ADGRB1: variants seen among roughly 807,000 people sequenced by gnomAD.
The protein encoded by ADGRB1 is adhesion G protein-coupled receptor B1, also known as brain-specific angiogenesis inhibitor 1.
In ADGRB1, 36 loss-of-function variants were observed where a neutral mutation model predicts 175.7. That is an observed-to-expected ratio of 0.20 (90% CI 0.16 to 0.27). The LOEUF (loss-of-function observed/expected upper bound fraction) is 0.27, where lower values mean the gene tolerates loss of function less well. Ranked by LOEUF, ADGRB1 falls within the 10% of genes least tolerant of loss-of-function variation. ADGRB1 has a pLI of 1.00. For synonymous variants in ADGRB1, 1,054 were observed against 979.4 expected, an observed-to-expected ratio of 1.08 and a Z score of -1.42; for missense variants, 1,731 against 2,255.3, an observed-to-expected ratio of 0.77 and a Z score of 4.71.
intron 5 of ADGRB1, 43 bp downstream of exon 5, chr8:142,477,321 C>CA (rs1563692554): frequency 2.5e-6 from 4 of 1,582,334 alleles, no homozygotes; most frequent in South Asian, 2.2e-5. Flanking sequence ...GCCAGGGCAG[C>CA]GGGGGGCCAG....
intron 23 of ADGRB1, among the ~76,000 whole-genome samples, chr8:142,524,604 T>C (rs1844065651): frequency 6.6e-6 from 1 of 152,026 alleles, no homozygotes; most frequent in Non-Finnish European, 1.5e-5. Flanking sequence ...GGTGAGTGAG[T>C]GGCATGGGAG....
chr8:142,459,959 C>T (rs1437390642), intron 1 of ADGRB1, among the ~76,000 whole-genome samples: 1 of 152,244 alleles, frequency 6.6e-6, no homozygotes, highest in Non-Finnish European at 1.5e-5. Context: ...GGATGCCACC[C>T]TGGGTGCCAG....
intron 17 of ADGRB1, among the ~76,000 whole-genome samples, chr8:142,507,628 G>A (rs896995698): frequency 6.6e-6 from 1 of 152,216 alleles, no homozygotes; most frequent in African/African-American, 2.4e-5. Flanking sequence ...GACAGCTGTC[G>A]GCCTGGCGCC....
chr8:142,531,597 G>T (rs879362453), intron 24 of ADGRB1, among the ~76,000 whole-genome samples: 3 of 152,206 alleles, frequency 2.0e-5, no homozygotes, highest in Non-Finnish European at 4.4e-5. Context: ...GAGCAGGAGG[G>T]GCGGGTGCGT....
In ADGRB1 at chr8:142,464,209, A is replaced by C; in HGVS notation, c.11A>C (p.Gln4Pro). 7.8e-7 allele frequency: 1 copy of C among 1,286,802 alleles called. No individual in the cohort carries two copies. Among genetic ancestry groups the C allele is most frequent in the Non-Finnish European group, 9.8e-7 (1 of 1,023,264 alleles). 79.7% of individuals were successfully genotyped at this position (1,286,802 alleles called of 1,614,324 possible). A position where few individuals can be genotyped will look rare whatever the true frequency, so the allele number is the denominator to read the frequency against. Reference protein sequence around the residue: MRGQAAAPGPVWIL... With the variant: MRGPAAAPGPVWIL... ...GCCCCGCGAGCTAGGATGAGGGGCC[A>C]GGCCGCCGCCCCGGGCCCCGTCTGG... Residue 4 changes from glutamine to proline, a missense_variant, in exon 2 of 31, where the codon CAG becomes CCG. Gln to Pro is a moderately conservative substitution (Grantham distance 76). Transcript: ENST00000517894.
chr8:142,511,930 G>A lies in ADGRB1; in HGVS notation c.2817+857G>A, dbSNP rs997495368. Among the ~76,000 whole-genome samples, 2 of 152,192 alleles carry A rather than the reference G, an allele frequency of 1.3e-5. No homozygotes were observed. Among genetic ancestry groups the A allele is most frequent in the Non-Finnish European group, 2.9e-5 (2 of 68,026 alleles). On this transcript the variant is annotated intron_variant, in intron 18 of 30. Coordinates refer to ENST00000517894, the MANE Select transcript of ADGRB1 (RefSeq NM_001702.3). The surrounding 1 kb of genome is among the most constrained non-coding windows in gnomAD (Gnocchi z 4.5). ...GCAGGGGTGGAGGATGCACTTGGAG[G>A]GGACCTGTCCTTCCTGGGTGTTGGA...
chr8:142,480,902 C>T (rs1841297748), intron 9 of ADGRB1, among the ~76,000 whole-genome samples: 1 of 152,112 alleles, frequency 6.6e-6, no homozygotes, highest in South Asian at 2.1e-4. Context: ...GGCAGGGGCC[C>T]AGGGTGCTGG....
intron 2 of ADGRB1, 143 bp downstream of exon 2, chr8:142,465,125 G>A: frequency 2.0e-6 from 2 of 987,324 alleles, no homozygotes; most frequent in South Asian, 3.4e-5. Flanking sequence ...AGGGGAGGTG[G>A]ACCGGGGTCT....
At chr8:142,509,089 G>A (rs576235644) in intron 17 of ADGRB1, among the ~76,000 whole-genome samples, 6 of 152,258 alleles carry the variant, frequency 3.9e-5, no homozygotes, top group South Asian at 4.1e-4. Flanking sequence ...GGTCTCCCCC[G>A]CCAGCCAGCG....
intron 3 of ADGRB1, among the ~76,000 whole-genome samples, chr8:142,475,891 A>G (rs1223940367): frequency 1.3e-4 from 1 of 7,802 alleles, no homozygotes; most frequent in African/African-American, 5.4e-4. Flanking sequence ...AGCAGGACCT[A>G]AACTCGGGGC....
intron 18 of ADGRB1, among the ~76,000 whole-genome samples, chr8:142,517,705 G>A (rs757440348): frequency 1.3e-5 from 2 of 152,074 alleles, no homozygotes; most frequent in Admixed American, 6.5e-5. Flanking sequence ...GGGGTGGGCC[G>A]GAGTCAAAGC....
chr8:142,473,564 C>T (rs1342653798), intron 2 of ADGRB1, among the ~76,000 whole-genome samples: 3 of 152,236 alleles, frequency 2.0e-5, no homozygotes. Context: ...CACCCTGTCC[C>T]GCCCTTGTGC....
At position 142,474,898 on chromosome 8, in the gene ADGRB1, G is replaced by A. The variant is rs1169583518; in HGVS notation, c.785-576G>A. Among the ~76,000 whole-genome samples the A allele has an allele frequency of 2.6e-5, 4 of 152,150 alleles. No individual in the cohort carries two copies. Among genetic ancestry groups the A allele is most frequent in the African/African-American group, 9.7e-5 (4 of 41,424 alleles). On this transcript the variant is annotated intron_variant, in intron 2 of 30. Transcript: ENST00000517894. This position sits in a 1 kb window ranked among gnomAD's most constrained non-coding sequence, Gnocchi z 5.8. ...CGTCAGGCTGTGCCCTGGGTTCGAG[G>A]CCCTGGTTGGACACCAGGTGTGAGG...
chr8:142,490,836 T>C, intron 17 of ADGRB1, 21 bp downstream of exon 17: 2 of 1,570,378 alleles, frequency 1.3e-6, no homozygotes, highest in Non-Finnish European at 1.7e-6. Context: ...TTGGATTTCA[T>C]GGCCGTGGGG....
chr8:142,479,513 G>C, intron 8 of ADGRB1, 26 bp downstream of exon 8: 3 of 1,525,666 alleles, frequency 2.0e-6, no homozygotes, highest in Non-Finnish European at 2.6e-6. Flanking sequence ...CCTGGGCTGG[G>C]CTCTGGGGAG....
rs1460630810 is a variant in ADGRB1 at position 142,501,920 on chromosome 8, G to A, written c.2676-9012G>A. Among the ~76,000 whole-genome samples the A allele has an allele frequency of 1.4e-5, 2 of 139,632 alleles. 1 individual carries two copies. 91.6% of individuals were successfully genotyped at this position (139,632 alleles called of 152,430 possible). A position where few individuals can be genotyped will look rare whatever the true frequency, so the allele number is the denominator to read the frequency against. On this transcript the variant is annotated intron_variant, in intron 17 of 30. Transcript: ENST00000517894. ...TGATGTGGTGGTGATGGTGGTGGCGGTGATGGCGATGGCGGGGTGGTGGTA... is the reference window on the plus strand; with the variant it reads ...TGATGTGGTGGTGATGGTGGTGGCGATGATGGCGATGGCGGGGTGGTGGTA...
chr8:142,476,834 C>T (rs1000620443), intron 4 of ADGRB1, 139 bp downstream of exon 4: 42 of 1,005,550 alleles, frequency 4.2e-5, no homozygotes, highest in Non-Finnish European at 6.0e-5. Context: ...GCTCTTGTCT[C>T]CTGACTGCCT....
chr8:142,488,339 C>A (rs773258930), intron 13 of ADGRB1, 25 bp from the exon 14 acceptor site: 2 of 1,612,104 alleles, frequency 1.2e-6, no homozygotes, highest in African/African-American at 2.7e-5. Context: ...CTCTCTGTCT[C>A]TCCCGCCTTT....
chr8:142,467,411 C>T (rs748760547), intron 2 of ADGRB1, among the ~76,000 whole-genome samples: 19 of 152,168 alleles, frequency 1.2e-4, no homozygotes, highest in Non-Finnish European at 2.5e-4. Context: ...CCTTGGGGTG[C>T]AGCTGATGAT....
Sources: allele counts gnomAD v4.1 joint callset (sites outside exome capture counted in the v4.1 genomes callset), GRCh38; gene constraint gnomAD v4.1.1; non-coding constraint Gnocchi (gnomAD v3.1); transcripts MANE v1.5; gene names NCBI Gene and HGNC (gene_info 2026-07-23, HGNC 2026-07-21).